PAK2: variants seen among roughly 807,000 people sequenced by gnomAD.
PAK2 encodes the protein p21 (RAC1) activated kinase 2.
In PAK2, 21 loss-of-function variants were observed where a neutral mutation model predicts 65.9. The ratio of observed to expected loss-of-function variants is 0.32; its 90% confidence interval spans 0.23 to 0.46. PAK2 has a LOEUF of 0.46. Ranked by LOEUF, PAK2 falls within the 20% of genes least tolerant of loss-of-function variation. The probability of loss-of-function intolerance (pLI) is 1.00; values close to 1 mark genes in which losing one functional copy is unlikely to be tolerated. For synonymous variants in PAK2, 204 were observed against 219.7 expected (o/e 0.93, Z 0.63); for missense variants, 324 against 642.6 (o/e 0.50, Z 5.36).
chr3:196,784,496 G>A (rs1232925472), intron 2 of PAK2, among the ~76,000 whole-genome samples: 8 of 110,722 alleles, frequency 7.2e-5, no homozygotes, highest in African/African-American at 2.1e-4. Context: ...TTGTTCTTGC[G>A]ATAGTTTACT....
chr3:196,762,301 CG>C (rs1468019107), intron 1 of PAK2, among the ~76,000 whole-genome samples: 1 of 132,242 alleles, frequency 7.6e-6, no homozygotes, highest in African/African-American at 2.7e-5. Flanking sequence ...GGGTGGCGGC[CG>C]GGCAGAGGCT....
intron 2 of PAK2, among the ~76,000 whole-genome samples, chr3:196,799,440 CT>C (rs759843880): frequency 6.6e-5 from 10 of 152,126 alleles, no homozygotes; most frequent in Non-Finnish European, 1.5e-4. Flanking sequence ...GACATGGGAC[CT>C]TCAAGAGGCG....
At chr3:196,764,355 C>T (rs1485894520) in intron 1 of PAK2, among the ~76,000 whole-genome samples, 1 of 152,008 alleles carries the variant, frequency 6.6e-6, no homozygotes, top group African/African-American at 2.4e-5. Flanking sequence ...GTGGCTCACA[C>T]CTATAATCCC....
chr3:196,779,720 T>C (rs1254556204), intron 1 of PAK2, among the ~76,000 whole-genome samples: 1 of 152,216 alleles, frequency 6.6e-6, no homozygotes, highest in Non-Finnish European at 1.5e-5. Context: ...TTACCCACGC[T>C]GGAGTACAAT....
intron 13 of PAK2, among the ~76,000 whole-genome samples, chr3:196,826,211 G>A (rs781137619): frequency 2.9e-4 from 43 of 150,828 alleles, no homozygotes; most frequent in Non-Finnish European, 4.6e-4. Flanking sequence ...TCGCTCTGTC[G>A]CCCAGGCTGG....
Position 196,779,451 on chromosome 3 carries a change from G to A in PAK2, c.-21-3175G>A, listed in dbSNP as rs941518191. On this transcript the variant is annotated intron_variant, in intron 1 of 14. Coordinates refer to ENST00000327134, the MANE Select transcript of PAK2 (RefSeq NM_002577.4). Reference sequence around the variant, plus strand: ...CCATTCCTTCAAGGAGTCATGAGACGTGGTGAAGTGTAAGTCGGTGGTGGA... The same window carrying A: ...CCATTCCTTCAAGGAGTCATGAGACATGGTGAAGTGTAAGTCGGTGGTGGA... 2.6e-5 allele frequency among the ~76,000 whole-genome samples: 4 copies of A among 152,148 alleles called. No homozygotes were observed. The East Asian group carries it at 5.8e-4, about 22-fold the overall frequency.
chr3:196,809,237 G>A (rs951775668), intron 7 of PAK2, among the ~76,000 whole-genome samples: 1 of 151,166 alleles, frequency 6.6e-6, no homozygotes, highest in Non-Finnish European at 1.5e-5. Flanking sequence ...GACAGAGTGA[G>A]ACCCTGTCTC....
chr3:196,760,727 T>G (rs1328818694), intron 1 of PAK2, among the ~76,000 whole-genome samples: 1 of 152,192 alleles, frequency 6.6e-6, no homozygotes. Context: ...TGGTGAAGAT[T>G]CTGAAACAAG....
chr3:196,804,167 G>A (rs1275430583), intron 4 of PAK2, among the ~76,000 whole-genome samples: 1 of 152,162 alleles, frequency 6.6e-6, no homozygotes, highest in Non-Finnish European at 1.5e-5. Flanking sequence ...ATATGATGGA[G>A]CTAAAATCGT....
rs116524626 is a variant in PAK2, at chr3:196,826,066, G to A, written c.1351-1130G>A. On this transcript the variant is annotated intron_variant, in intron 13 of 14. Transcript: ENST00000327134. ...GGGGTTTTGCCATGTTGCCCAGCCT[G>A]GTCTCGAGCTCCTGAGCCCAGGCAA... Among the ~76,000 whole-genome samples the A allele has an allele frequency of 2.6e-3, 396 of 152,030 alleles. 5 individuals carry two copies. The highest frequency in any genetic ancestry group is 9.2e-3 in the African/African-American group (383 of 41,488).
Position 196,795,000 on chromosome 3 carries a change from A to G in PAK2, c.188-6927A>G, listed in dbSNP as rs567718182. On this transcript the variant is annotated intron_variant, in intron 2 of 14. Transcript: ENST00000327134. ...AGAGACTCTCTAAGCAAACATATCC[A>G]ATAAAAACCAGACTAAATATCCTCA... 1.4e-3 allele frequency among the ~76,000 whole-genome samples: 216 copies of G among 152,330 alleles called. 2 individuals are homozygous for G. Among genetic ancestry groups the G allele is most frequent in the Non-Finnish European group, 2.4e-3 (164 of 68,034 alleles).
intron 2 of PAK2, among the ~76,000 whole-genome samples, chr3:196,795,778 A>G (rs1715240116): frequency 1.3e-5 from 2 of 152,238 alleles, no homozygotes; most frequent in African/African-American, 4.8e-5. Context: ...ATGTTAAACT[A>G]AGCCCTTCAG....
intron 2 of PAK2, among the ~76,000 whole-genome samples, chr3:196,789,290 C>T (rs747547957): frequency 4.6e-5 from 7 of 152,090 alleles, no homozygotes; most frequent in Non-Finnish European, 1.0e-4. Flanking sequence ...TCACATCTAG[C>T]TATTCAACCT....
intron 11 of PAK2, among the ~76,000 whole-genome samples, chr3:196,816,495 AT>A (rs1716032390): frequency 6.6e-6 from 1 of 152,146 alleles, no homozygotes; most frequent in Admixed American, 6.5e-5. Context: ...ATAAAAATTA[AT>A]TTTGGAAGTT....
chr3:196,786,780 C>A (rs996921145), intron 2 of PAK2, among the ~76,000 whole-genome samples: 5 of 151,966 alleles, frequency 3.3e-5, no homozygotes, highest in African/African-American at 1.2e-4. Context: ...TTTGTCTGTA[C>A]CTGAGCTAAT....
intron 6 of PAK2, 35 bp from the exon 7 acceptor site, chr3:196,807,747 T>C (rs774429114): frequency 8.1e-6 from 10 of 1,237,418 alleles, no homozygotes; most frequent in Non-Finnish European, 1.0e-5. Context: ...AAAACATTAT[T>C]CCTCAAACCT....
chr3:196,792,278 TAATA>T (rs1715097653), intron 2 of PAK2, among the ~76,000 whole-genome samples: 1 of 152,238 alleles, frequency 6.6e-6, no homozygotes, highest in African/African-American at 2.4e-5. Flanking sequence ...TATCGTTAAC[TAATA>T]AATAATTTCT....
At chr3:196,782,315 AT>A (rs1714740296) in intron 1 of PAK2, among the ~76,000 whole-genome samples, 1 of 150,504 alleles carries the variant, frequency 6.6e-6, no homozygotes, top group African/African-American at 2.5e-5. Flanking sequence ...AAAAAAAAAG[AT>A]TTCATGTTGT....
In PAK2 at chr3:196,818,157, G is replaced by A; in HGVS notation, c.1153+1G>A. On this transcript the variant is annotated splice_donor_variant, in intron 12 of 14. Transcript: ENST00000327134. LOFTEE classifies it high-confidence loss of function. ...GGAATGGAAGGATCTGTTAAGCTCA[G>A]TGAGTAACAAATGGACAATTCACAA... 1 of 1,108,896 alleles carries A rather than the reference G, an allele frequency of 9.0e-7. No homozygotes were observed. The highest frequency in any genetic ancestry group is 1.4e-6 in the Non-Finnish European group (1 of 723,008). The allele number at this position is 1,108,896 out of a possible 1,614,324, so 68.7% of individuals were successfully genotyped here.
Sources: gnomAD v4.1 joint callset for allele counts (sites outside exome capture counted in the v4.1 genomes callset) on GRCh38, gnomAD v4.1.1 for gene constraint, MANE v1.5 for transcripts, NCBI Gene and HGNC (gene_info 2026-07-23, HGNC 2026-07-21) for gene names.